Variants in KLF13 observed in about 807,000 individuals in gnomAD.
The protein encoded by KLF13 is Krueppel-like factor 13.
Under a neutral mutation model 16.7 loss-of-function variants are expected in KLF13, and 8 were observed. The observed-to-expected ratio is 0.48, with a 90% CI of 0.28 to 0.87. KLF13 has a LOEUF of 0.87. KLF13 is among the 40% of genes least tolerant of loss of function. The pLI is 0.10. For missense variants in KLF13, 447 were observed against 452.2 expected, an observed-to-expected ratio of 0.99 and a Z score of 0.10; for synonymous variants, 245 against 208.4, an observed-to-expected ratio of 1.18 and a Z score of -1.51.
chr15:31,420,548 G>T (rs974222559), intron 1 of KLF13: 1 of 527,084 alleles, frequency 1.9e-6, no homozygotes, highest in South Asian at 1.7e-5. Context: ...CCTGCTAGGA[G>T]AACCCAACAT....
rs2039672994 is a variant in KLF13, at chr15:31,377,728, T to C, written c.*5429T>C. The C allele has an allele frequency of 6.6e-6, 1 of 152,650 alleles. No individual in the cohort carries two copies. Among genetic ancestry groups the C allele is most frequent in the South Asian group, 2.1e-4 (1 of 4,832 alleles). The allele number at this position is 152,650 out of a possible 1,614,324, so 9.5% of individuals were successfully genotyped here. A position where few individuals can be genotyped will look rare whatever the true frequency, so the allele number is the denominator to read the frequency against. On this transcript the variant is annotated 3_prime_UTR_variant, in exon 2 of 2. Transcript: ENST00000307145. ...AGTTGTACAGTTCCCAGTCTGGCCTTGGCTTGCTCGGATAAAACTTTGTAT... is the reference window on the plus strand; with the variant it reads ...AGTTGTACAGTTCCCAGTCTGGCCTCGGCTTGCTCGGATAAAACTTTGTAT...
chr15:31,328,278 G>A (rs990852560), intron 1 of KLF13, among the ~76,000 whole-genome samples: 1 of 151,680 alleles, frequency 6.6e-6, no homozygotes, highest in South Asian at 2.1e-4. Context: ...GCGCGCGGCG[G>A]GCGAAGTTCA....
intron 1 of KLF13, among the ~76,000 whole-genome samples, chr15:31,415,670 T>C (rs1274276680): frequency 6.6e-6 from 1 of 152,034 alleles, no homozygotes; most frequent in East Asian, 1.9e-4. Context: ...TAGCTGTAAA[T>C]ACCTATGTTA....
intron 1 of KLF13, among the ~76,000 whole-genome samples, chr15:31,352,777 TA>T (rs1489863764): frequency 2.0e-5 from 3 of 152,328 alleles, no homozygotes; most frequent in African/African-American, 7.2e-5. Flanking sequence ...AAAAACTTAA[TA>T]AAAGGCTGTA....
At position 31,372,495 on chromosome 15, in the gene KLF13, C is replaced by T; in HGVS notation, c.*196C>T. ...TCAAAAAACACCACCCACCAAATTG[C>T]ACAATAGATACACCCACAAAGTTGA... On this transcript the variant is annotated 3_prime_UTR_variant, in exon 2 of 2. Transcript: ENST00000307145. 2 of 600,330 alleles carry T rather than the reference C, an allele frequency of 3.3e-6. No homozygotes were observed. Among genetic ancestry groups the T allele is most frequent in the South Asian group, 2.6e-5 (1 of 38,142 alleles). The allele number at this position is 600,330 out of a possible 1,614,324, so 37.2% of individuals were successfully genotyped here.
chr15:31,327,288 G>A lies in KLF13; in HGVS notation c.76G>A (p.Gly26Arg), dbSNP rs1264587253. ...CATGTCGAGCCGCGCGGTCGTGCAC[G>A]GGCCGCGGGAGGGGCCGGAGTCCCG... ...VSMSSRAVVH[G>R]PREGPESRPE... The change falls in exon 1 of 2, where the codon GGG becomes AGG. Residue 26 changes from glycine to arginine, a missense_variant. By Grantham distance (125) the Gly-to-Arg change is moderately radical. Around this residue, in one of 2 missense-constraint regions of KLF13, gnomAD observed 359 missense variants for 282.8 expected, o/e 1.27. Coordinates refer to ENST00000307145, the MANE Select transcript of KLF13 (RefSeq NM_015995.4). 1 of 1,319,422 alleles carries A rather than the reference G, an allele frequency of 7.6e-7. No individual in the cohort carries two copies. The allele number at this position is 1,319,422 out of a possible 1,614,324, so 81.7% of individuals were successfully genotyped here. A position where few individuals can be genotyped will look rare whatever the true frequency, so the allele number is the denominator to read the frequency against.
In KLF13 at chr15:31,377,615, T is replaced by C. The variant is rs2039670952; in HGVS notation, c.*5316T>C. 6.6e-6 allele frequency: 1 copy of C among 152,650 alleles called. No individual in the cohort carries two copies. The allele number at this position is 152,650 out of a possible 1,614,324, so 9.5% of individuals were successfully genotyped here. ...TTTCCATGGAGCTCATGTTTTTCTT[T>C]TCTGTAGGAACTTTTTTTTAACCAG... On this transcript the variant is annotated 3_prime_UTR_variant, in exon 2 of 2. Transcript: ENST00000307145.
downstream of KLF13, among the ~76,000 whole-genome samples, chr15:31,381,086 G>A (rs1187036742): frequency 6.7e-6 from 1 of 149,296 alleles, no homozygotes; most frequent in African/African-American, 2.5e-5. Context: ...GCAGGAGAAC[G>A]GCTTGAACCC....
At chr15:31,414,746 A>G (rs1193909627) in intron 1 of KLF13, among the ~76,000 whole-genome samples, 1 of 152,230 alleles carries the variant, frequency 6.6e-6, no homozygotes, top group Non-Finnish European at 1.5e-5. Flanking sequence ...ATGAAGAAAT[A>G]AATAGACATT....
chr15:31,327,969 G>C (rs2038749395), intron 1 of KLF13, among the ~76,000 whole-genome samples, 180 bp downstream of exon 1: 1 of 147,812 alleles, frequency 6.8e-6, no homozygotes, highest in African/African-American at 2.4e-5. Context: ...CGCGCGAGGC[G>C]GGTCTTGGCT....
At chr15:31,423,118 TATACGTATATATACGTATAC>T (rs2040353639) in intron 1 of KLF13, among the ~76,000 whole-genome samples, 1 of 128,798 alleles carries the variant, frequency 7.8e-6, no homozygotes, top group African/African-American at 3.6e-5. Context: ...TATACGTATA[TATACGTATATATACGTATAC>T]GTATACGTAT....
intron 1 of KLF13, among the ~76,000 whole-genome samples, chr15:31,361,726 C>T (rs906497838): frequency 1.3e-5 from 2 of 152,112 alleles, no homozygotes; most frequent in African/African-American, 2.4e-5. Context: ...CTGGGGCTGG[C>T]TGTGCAGGTG....
At chr15:31,423,674 T>C (rs1307735296) in intron 1 of KLF13, among the ~76,000 whole-genome samples, 2 of 152,114 alleles carry the variant, frequency 1.3e-5, no homozygotes, top group Non-Finnish European at 2.9e-5. Context: ...CAGTTGGACC[T>C]ACAGACATAT....
intron 1 of KLF13, chr15:31,339,880 G>A (rs1000750686): frequency 1.6e-5 from 11 of 687,212 alleles, no homozygotes; most frequent in Admixed American, 4.0e-5. Context: ...ATGCAGCAGC[G>A]GGCTCTCGTG....
At chr15:31,357,186 A>T (rs1336691998) in intron 1 of KLF13, among the ~76,000 whole-genome samples, 1 of 152,174 alleles carries the variant, frequency 6.6e-6, no homozygotes, top group Non-Finnish European at 1.5e-5. Context: ...TTTCAAACTC[A>T]GGTTTCTAAG....
intron 1 of KLF13, among the ~76,000 whole-genome samples, chr15:31,385,923 C>A (rs1319083154): frequency 1.3e-5 from 2 of 152,158 alleles, no homozygotes; most frequent in Admixed American, 1.3e-4. Context: ...AGTAGTTAGC[C>A]ACATTGTGAA....
chr15:31,420,433 C>T lies in KLF13; in HGVS notation n.118-14937C>T, dbSNP rs182473153. On this transcript the variant is annotated intron_variant and non_coding_transcript_variant, in intron 1 of 1. Coordinates refer to the KLF13 transcript ENST00000558225. ...CCACAGTGAAGTTCCTCACATCCTG[C>T]TACCACCCCAACATAGACACCCAGG... The T allele has an allele frequency of 7.0e-4, 677 of 961,832 alleles. 6 individuals are homozygous for T. The highest frequency in any genetic ancestry group is 6.9e-3 in the African/African-American group (428 of 61,672). The allele number at this position is 961,832 out of a possible 1,614,324, so 59.6% of individuals were successfully genotyped here. A position where few individuals can be genotyped will look rare whatever the true frequency, so the allele number is the denominator to read the frequency against.
At chr15:31,329,561 G>A (rs1341767759) in intron 1 of KLF13, among the ~76,000 whole-genome samples, 1 of 152,168 alleles carries the variant, frequency 6.6e-6, no homozygotes, top group Non-Finnish European at 1.5e-5. Flanking sequence ...TGTCTTCCTG[G>A]TGGGTTCATC....
downstream of KLF13, among the ~76,000 whole-genome samples, chr15:31,378,170 G>A (rs1423859879): frequency 2.0e-5 from 3 of 152,134 alleles, no homozygotes; most frequent in Admixed American, 6.5e-5. Context: ...GGAGGAGAAC[G>A]GGATGTGGTG....
Sources: gnomAD v4.1 joint callset for allele counts (sites outside exome capture counted in the v4.1 genomes callset) on GRCh38, gnomAD v4.1.1 for gene constraint, gnomAD v4.1.1 regional missense constraint, MANE v1.5 for transcripts, NCBI Gene and HGNC (gene_info 2026-07-23, HGNC 2026-07-21) for gene names.